ATF7: variants seen among roughly 807,000 people sequenced by gnomAD.
ATF7 encodes cyclic AMP-dependent transcription factor ATF-7.
ATF7 carries 10 observed loss-of-function variants against 50.4 expected under a neutral mutation model. The ratio of observed to expected loss-of-function variants is 0.20; its 90% CI spans 0.12 to 0.34. ATF7 has a LOEUF of 0.34. Among genes scored for constraint, ATF7 ranks in the 10% least tolerant of loss-of-function variants. The pLI is 1.00. For synonymous variants in ATF7, 201 were observed against 226.4 expected, an observed-to-expected ratio of 0.89 and a Z score of 1.01; for missense variants, 465 against 613.9, an observed-to-expected ratio of 0.76 and a Z score of 2.56.
intron 11 of ATF7, among the ~76,000 whole-genome samples, chr12:53,519,562 C>A (rs1218968782): frequency 6.6e-6 from 1 of 151,454 alleles, no homozygotes; most frequent in Non-Finnish European, 1.5e-5. Context: ...ATGAGCTGGG[C>A]GTGGTGGTGC....
At chr12:53,586,774 AT>A (rs1565980432) in intron 2 of ATF7, among the ~76,000 whole-genome samples, 1 of 152,118 alleles carries the variant, frequency 6.6e-6, no homozygotes, top group Non-Finnish European at 1.5e-5. Flanking sequence ...AACTCCTGTC[AT>A]CACTCTCTCA....
In ATF7 at chr12:53,533,246, A is replaced by T. The variant is rs1304588401; in HGVS notation, c.574T>A (p.Ser192Thr). 6.2e-7 allele frequency: 1 copy of T among 1,613,016 alleles called. No homozygotes were observed. Among genetic ancestry groups the T allele is most frequent in the East Asian group, 2.2e-5 (1 of 44,878 alleles). The change falls in exon 7 of 12, where the codon TCC (serine) becomes ACC (threonine). Residue 192 changes from serine (S) to threonine (T), a missense_variant. Transcript: ENST00000420353. ...SNRQMGSPTG[S>T]LPLVMHLANG... ...GCAAGATGCATGACAAGAGGGAGGGAGCCAGTGGGAGACCTAGAGGAGACA... is the reference window on the plus strand; with the variant it reads ...GCAAGATGCATGACAAGAGGGAGGGTGCCAGTGGGAGACCTAGAGGAGACA...
Position 53,539,864 on chromosome 12 carries a change from T to G in ATF7, c.265-2312A>C, listed in dbSNP as rs1237001274. ...CTAGTGGATCTCTTGAGCCCTGGAG[T>G]TCAAGACCAGTGTGGGCAACATGGC... On this transcript the variant is annotated intron_variant, in intron 4 of 11. Coordinates refer to ENST00000420353, the MANE Select transcript of ATF7 (RefSeq NM_006856.3). 2.0e-5 allele frequency among the ~76,000 whole-genome samples: 3 copies of G among 147,812 alleles called. No individual in the cohort carries two copies. The Admixed American group carries it at 2.0e-4, about 10-fold the overall frequency.
chr12:53,575,286 A>C (rs1469159887), intron 2 of ATF7, among the ~76,000 whole-genome samples: 3 of 152,152 alleles, frequency 2.0e-5, no homozygotes, highest in Admixed American at 1.3e-4. Context: ...GCACGCCTGT[A>C]ATCCCAGCTG....
rs11453651 is a variant in ATF7, at chr12:53,520,993, AT to A, written c.1234+2282del. Among the ~76,000 whole-genome samples, 1,248 of 139,070 alleles carry A rather than the reference AT, an allele frequency of 9.0e-3. 19 individuals carry two copies. Among genetic ancestry groups the A allele is most frequent in the African/African-American group, 0.026 (968 of 37,900 alleles). 91.2% of individuals were successfully genotyped at this position (139,070 alleles called of 152,430 possible). A position where few individuals can be genotyped will look rare whatever the true frequency, so the allele number is the denominator to read the frequency against. ...TCCTGTTCAAATGTAAGTCAGATCA[AT>A]TTTTTTTTTTTTTTTGAGACGGAAT... On this transcript the variant is annotated intron_variant, in intron 11 of 11. Coordinates refer to ENST00000420353, the MANE Select transcript of ATF7 (RefSeq NM_006856.3).
chr12:53,540,342 G>A (rs188040232), intron 4 of ATF7, among the ~76,000 whole-genome samples: 53 of 144,048 alleles, frequency 3.7e-4, no homozygotes, highest in Non-Finnish European at 6.9e-4. Flanking sequence ...GACAGAGTGA[G>A]ACTCCGTCTC....
Position 53,552,623 on chromosome 12 carries a change from C to G in ATF7, c.63G>C (p.Glu21Asp). ...TGTGTTTATGAACTGCCAGGTGGTC[C>G]TCGTTTGTAAATCTCTGAAACGAAA... ...APGCGQRFTNEDHLAVHKHKH... is the reference protein window; with the variant it reads ...APGCGQRFTNDDHLAVHKHKH... Residue 21 changes from glutamate to aspartate, a missense_variant, in exon 3 of 12, where the codon GAG becomes GAC. Physicochemically the swap from Glu to Asp is conservative, Grantham distance 45. Transcript: ENST00000420353. 6.2e-7 allele frequency: 1 copy of G among 1,613,648 alleles called. No individual in the cohort carries two copies. The highest frequency in any genetic ancestry group is 8.5e-7 in the Non-Finnish European group (1 of 1,179,650).
rs1350336302 is a variant in ATF7 at position 53,544,111 on chromosome 12, G to A, written c.146-663C>T. 2.0e-5 allele frequency among the ~76,000 whole-genome samples: 3 copies of A among 152,206 alleles called. No homozygotes were observed. The East Asian group carries it at 5.8e-4, about 29-fold the overall frequency. On this transcript the variant is annotated intron_variant, in intron 3 of 11. Transcript: ENST00000420353. ...AATTTCACAGAGACCTAGGCCCAGA[G>A]CAAGTTCCTGAAACCAGGGTATTCG...
At chr12:53,567,930 T>A (rs2137603316) in intron 2 of ATF7, among the ~76,000 whole-genome samples, 1 of 152,350 alleles carries the variant, frequency 6.6e-6, no homozygotes, top group East Asian at 1.9e-4. Flanking sequence ...CTTATTAGGA[T>A]GTTATGAGGT....
chr12:53,522,995 A>G (rs968795227), intron 11 of ATF7, among the ~76,000 whole-genome samples: 9 of 152,240 alleles, frequency 5.9e-5, no homozygotes, highest in African/African-American at 1.2e-4. Context: ...GATAATATCC[A>G]TTTCATGAGA....
At chr12:53,511,164 A>G (rs1211926262), downstream of ATF7, among the ~76,000 whole-genome samples, 1 of 152,256 alleles carries the variant, frequency 6.6e-6, no homozygotes, top group African/African-American at 2.4e-5. Flanking sequence ...AAAGGAATAT[A>G]CAGATGCAAT....
At chr12:53,557,506 C>T (rs1016250205) in intron 2 of ATF7, among the ~76,000 whole-genome samples, 1 of 152,148 alleles carries the variant, frequency 6.6e-6, no homozygotes, top group Non-Finnish European at 1.5e-5. Context: ...CCCAGCCCCT[C>T]GTTTGTTAAT....
At chr12:53,520,580 A>T (rs1267316380) in intron 11 of ATF7, among the ~76,000 whole-genome samples, 1 of 152,184 alleles carries the variant, frequency 6.6e-6, no homozygotes, top group Admixed American at 6.6e-5. Flanking sequence ...GCCGACTCCC[A>T]GAGTTTTATC....
intron 4 of ATF7, among the ~76,000 whole-genome samples, chr12:53,542,186 G>A (rs1939605877): frequency 1.4e-5 from 2 of 146,050 alleles, no homozygotes; most frequent in South Asian, 4.5e-4. Flanking sequence ...AGCCCTTTGG[G>A]AGGCCGAGGT....
intron 9 of ATF7, among the ~76,000 whole-genome samples, chr12:53,525,486 TACAA>T (rs1464121968): frequency 5.3e-5 from 8 of 152,240 alleles, no homozygotes; most frequent in African/African-American, 1.9e-4. Context: ...AAGTGATATG[TACAA>T]ACAATTACAT....
chr12:53,616,333 C>A (rs573522678), intron 1 of ATF7, among the ~76,000 whole-genome samples: 3 of 152,094 alleles, frequency 2.0e-5, no homozygotes, highest in Non-Finnish European at 4.4e-5. Context: ...AGTAATCCTC[C>A]CGCGTTGGCC....
chr12:53,516,229 C>G lies in ATF7; in HGVS notation c.*908G>C, dbSNP rs1388132895. 6.6e-6 allele frequency: 1 copy of G among 152,192 alleles called. No homozygotes were observed. Among genetic ancestry groups the G allele is most frequent in the African/African-American group, 2.4e-5 (1 of 41,436 alleles). The allele number at this position is 152,192 out of a possible 1,614,324, so 9.4% of individuals were successfully genotyped here. ...AAGCTTTGAAATACTTTGTTCCTGTCTGCCCTGATGGTTAAACTAAAGAAG... is the reference window on the plus strand; with the variant it reads ...AAGCTTTGAAATACTTTGTTCCTGTGTGCCCTGATGGTTAAACTAAAGAAG... On this transcript the variant is annotated 3_prime_UTR_variant, in exon 12 of 12. Transcript: ENST00000420353.
chr12:53,535,068 C>T (rs554903434), intron 5 of ATF7, among the ~76,000 whole-genome samples: 2 of 152,236 alleles, frequency 1.3e-5, no homozygotes, highest in South Asian at 4.2e-4. Flanking sequence ...GGTAATGAGG[C>T]AACCCAACAT....
At chr12:53,589,392 T>C (rs1477442827) in intron 2 of ATF7, among the ~76,000 whole-genome samples, 7 of 152,370 alleles carry the variant, frequency 4.6e-5, no homozygotes, top group Middle Eastern at 3.4e-3. Context: ...GTGTTATCAA[T>C]GAAATCAAAC....
Sources: gnomAD v4.1 joint callset for allele counts (sites outside exome capture counted in the v4.1 genomes callset) on GRCh38, gnomAD v4.1.1 for gene constraint, MANE v1.5 for transcripts, NCBI Gene and HGNC (gene_info 2026-07-23, HGNC 2026-07-21) for gene names.